Variants in THSD7A observed in about 807,000 individuals in gnomAD.
THSD7A encodes thrombospondin type-1 domain-containing protein 7A.
THSD7A carries 96 observed loss-of-function variants against 231.3 expected under a neutral mutation model. The ratio of observed to expected loss-of-function variants is 0.41; its 90% CI spans 0.35 to 0.49. The LOEUF is 0.49. THSD7A is among the 20% of genes least tolerant of loss of function. The pLI is 0.05. For synonymous variants in THSD7A, 940 were observed against 743.3 expected (o/e 1.26, Z -4.30); for missense variants, 2,290 against 2,070.2 (o/e 1.11, Z -2.06).
At chr7:11,658,886 G>T (rs1357476660) in intron 1 of THSD7A, among the ~76,000 whole-genome samples, 1 of 151,686 alleles carries the variant, frequency 6.6e-6, no homozygotes, top group Non-Finnish European at 1.5e-5. Flanking sequence ...TGTATCTTAA[G>T]ATTCAGAGCA....
chr7:11,768,730 C>T (rs76825952), intron 1 of THSD7A, among the ~76,000 whole-genome samples: 5,304 of 152,060 alleles, frequency 0.035, 306 homozygotes, highest in African/African-American at 0.12. Flanking sequence ...TCATTAAGGA[C>T]AATTTATTCT....
intron 4 of THSD7A, among the ~76,000 whole-genome samples, chr7:11,550,537 T>G (rs1789584725): frequency 6.6e-6 from 1 of 152,112 alleles, no homozygotes; most frequent in Non-Finnish European, 1.5e-5. Flanking sequence ...GGTTTCGAAG[T>G]GACACTTTTC....
At chr7:11,613,268 T>C (rs1458810847) in intron 2 of THSD7A, among the ~76,000 whole-genome samples, 2 of 152,192 alleles carry the variant, frequency 1.3e-5, no homozygotes, top group African/African-American at 2.4e-5. Flanking sequence ...GATGGAACTC[T>C]CTGGATTTTA....
intron 1 of THSD7A, among the ~76,000 whole-genome samples, chr7:11,740,023 G>A (rs1035592692): frequency 2.6e-5 from 4 of 151,980 alleles, no homozygotes; most frequent in African/African-American, 9.7e-5. Context: ...CTGACAGTCT[G>A]TCATGAGGGA....
At chr7:11,826,923 C>G (rs113787932) in intron 1 of THSD7A, among the ~76,000 whole-genome samples, 3 of 151,984 alleles carry the variant, frequency 2.0e-5, no homozygotes, top group African/African-American at 7.2e-5. Flanking sequence ...GAAATGCTTC[C>G]CAATTATTCA....
chr7:11,717,629 C>T (rs759611454), intron 1 of THSD7A, among the ~76,000 whole-genome samples: 1 of 151,626 alleles, frequency 6.6e-6, no homozygotes, highest in Non-Finnish European at 1.5e-5. Flanking sequence ...CTATCCACTA[C>T]TAGGAGAATA....
In THSD7A at chr7:11,541,634, G is replaced by A. The variant is rs1404936831; in HGVS notation, c.1610-3C>T. On this transcript the variant is annotated splice_polypyrimidine_tract_variant and splice_region_variant and intron_variant, in intron 5 of 27. Transcript: ENST00000423059. ...GCGCCGCTTCCTCAGTTTGAAGCCTGAATTATGGGGGAAGGAAAAATCTAT... is the reference window on the plus strand; with the variant it reads ...GCGCCGCTTCCTCAGTTTGAAGCCTAAATTATGGGGGAAGGAAAAATCTAT... The A allele has an allele frequency of 4.3e-6, 7 of 1,612,838 alleles. No individual in the cohort carries two copies. The Admixed American group carries it at 8.4e-5, about 19-fold the overall frequency.
intron 6 of THSD7A, among the ~76,000 whole-genome samples, chr7:11,521,919 T>C (rs1788284225): frequency 6.6e-6 from 1 of 152,058 alleles, no homozygotes; most frequent in African/African-American, 2.4e-5. Context: ...AATATGTTTT[T>C]CTATGAAAAT....
chr7:11,535,148 GTC>G (rs975564750), intron 6 of THSD7A, among the ~76,000 whole-genome samples: 2 of 152,122 alleles, frequency 1.3e-5, no homozygotes, highest in Admixed American at 1.3e-4. Context: ...TTTATCTGAT[GTC>G]TCTGCTGAAT....
At chr7:11,517,661 C>T (rs1562677461) in intron 6 of THSD7A, among the ~76,000 whole-genome samples, 1 of 152,176 alleles carries the variant, frequency 6.6e-6, no homozygotes, top group Non-Finnish European at 1.5e-5. Flanking sequence ...CCATTTTTAA[C>T]ACAACTTAAT....
At chr7:11,502,028 G>C (rs1421194588) in intron 6 of THSD7A, among the ~76,000 whole-genome samples, 2 of 151,954 alleles carry the variant, frequency 1.3e-5, no homozygotes, top group East Asian at 1.9e-4. Flanking sequence ...CTAAAACCTA[G>C]AAGAGATGGA....
intron 6 of THSD7A, among the ~76,000 whole-genome samples, chr7:11,506,190 G>A (rs182363051): frequency 6.6e-6 from 1 of 152,106 alleles, no homozygotes; most frequent in Admixed American, 6.5e-5. Flanking sequence ...ATGGGGTTTC[G>A]CTGTGTTAGC....
chr7:11,689,839 G>T (rs1251093264), intron 1 of THSD7A, among the ~76,000 whole-genome samples: 2 of 148,146 alleles, frequency 1.4e-5, no homozygotes, highest in Non-Finnish European at 3.0e-5. Context: ...GGCAAGTTTG[G>T]ACAAAGACCA....
At chr7:11,652,208 C>T (rs1584150279) in intron 1 of THSD7A, among the ~76,000 whole-genome samples, 1 of 151,434 alleles carries the variant, frequency 6.6e-6, no homozygotes, top group Non-Finnish European at 1.5e-5. Context: ...AAATCTTTAT[C>T]CTAAAGTTGT....
intron 6 of THSD7A, among the ~76,000 whole-genome samples, chr7:11,528,011 A>T (rs1788550353): frequency 6.6e-6 from 1 of 152,060 alleles, no homozygotes; most frequent in Non-Finnish European, 1.5e-5. Context: ...AACTTAAATT[A>T]AAACAACTAG....
At chr7:11,471,191 C>T (rs761733230) in intron 8 of THSD7A, among the ~76,000 whole-genome samples, 3 of 151,910 alleles carry the variant, frequency 2.0e-5, no homozygotes, top group Non-Finnish European at 2.9e-5. Context: ...CTAAGCAATT[C>T]TCTTTTGAAG....
chr7:11,456,462 A>G (rs1411432410), intron 11 of THSD7A, among the ~76,000 whole-genome samples: 1 of 152,036 alleles, frequency 6.6e-6, no homozygotes, highest in Non-Finnish European at 1.5e-5. Flanking sequence ...TTTCATAACT[A>G]TAAAATAGTT....
At chr7:11,672,457 A>G (rs1258234212) in intron 1 of THSD7A, among the ~76,000 whole-genome samples, 2 of 152,094 alleles carry the variant, frequency 1.3e-5, no homozygotes, top group South Asian at 2.1e-4. Flanking sequence ...TCTATCATAC[A>G]CTAATATAAA....
Position 11,481,798 on chromosome 7 carries a change from C to T in THSD7A, c.2007G>A (p.Ala669=), listed in dbSNP as rs753462832. Reference sequence around the variant, plus strand: ...AAGCTGGCGACTCACCTTCTTCACCCGCATAGGCCAGAATGGATCGTGCTC... The same window carrying T: ...AAGCTGGCGACTCACCTTCTTCACCTGCATAGGCCAGAATGGATCGTGCTC... The part of the protein sequence containing the change: ...QIRARSILAY[A]GEEGGIRCPN... Residue 669 remains alanine (A), a synonymous_variant, in exon 7 of 28, where the codon GCG becomes GCA. Coordinates refer to ENST00000423059, the MANE Select transcript of THSD7A (RefSeq NM_015204.3). 4.7e-5 allele frequency: 75 copies of T among 1,599,338 alleles called. No individual in the cohort carries two copies. The highest frequency in any genetic ancestry group is 5.6e-5 in the Non-Finnish European group (66 of 1,172,020).
Sources: gnomAD v4.1 joint callset for allele counts (sites outside exome capture counted in the v4.1 genomes callset) on GRCh38, gnomAD v4.1.1 for gene constraint, MANE v1.5 for transcripts, NCBI Gene and HGNC (gene_info 2026-07-23, HGNC 2026-07-21) for gene names.